SEC16A: variants seen among roughly 807,000 people sequenced by gnomAD.
SEC16A encodes SEC16 homolog A, endoplasmic reticulum export factor, also known as protein transport protein Sec16A.
In SEC16A, 110 loss-of-function variants were observed where a neutral mutation model predicts 221.9. The ratio of observed to expected loss-of-function variants is 0.50; its 90% CI spans 0.42 to 0.58. SEC16A has a LOEUF of 0.58. SEC16A is among the 20% of genes least tolerant of loss of function. The pLI is 0.00. For missense variants in SEC16A, 3,165 were observed against 3,097.8 expected, an observed-to-expected ratio of 1.02 and a Z score of -0.52; for synonymous variants, 1,393 against 1,257.7, an observed-to-expected ratio of 1.11 and a Z score of -2.28.
In SEC16A at chr9:136,440,290, G is replaced by A. The variant is rs1425304352; in HGVS notation, c.*1465C>T. 6.6e-6 allele frequency: 1 copy of A among 152,376 alleles called. No individual in the cohort carries two copies. The highest frequency in any genetic ancestry group is 2.4e-5 in the African/African-American group (1 of 41,462). The allele number at this position is 152,376 out of a possible 1,614,324, so 9.4% of individuals were successfully genotyped here. A position where few individuals can be genotyped will look rare whatever the true frequency, so the allele number is the denominator to read the frequency against. On this transcript the variant is annotated 3_prime_UTR_variant, in exon 32 of 32. Coordinates refer to ENST00000684901, the MANE Select transcript of SEC16A (RefSeq NM_014866.2). The stretch of plus-strand genomic sequence containing the variant: ...ACACGAGCTGACCGAGGGACAGAGA[G>A]GGCTGCCCCGTCACAGGGACTGGCC...
intron 8 of SEC16A, among the ~76,000 whole-genome samples, chr9:136,464,811 C>T (rs564881193): frequency 5.9e-4 from 90 of 152,376 alleles, no homozygotes; most frequent in African/African-American, 2.0e-3. Flanking sequence ...GCTCCCGCAA[C>T]ACCCTCATGA....
At chr9:136,461,967 G>C (rs1019854487) in intron 12 of SEC16A, among the ~76,000 whole-genome samples, 1 of 151,796 alleles carries the variant, frequency 6.6e-6, no homozygotes, top group Non-Finnish European at 1.5e-5. Flanking sequence ...AGTTAGCCAG[G>C]CGTGGTGGCA....
chr9:136,477,915 T>C (rs988534186), intron 2 of SEC16A, among the ~76,000 whole-genome samples: 4 of 152,110 alleles, frequency 2.6e-5, no homozygotes, highest in South Asian at 2.1e-4. Context: ...TGCGAGCTGA[T>C]GGAGTATGTC....
In SEC16A at chr9:136,464,520, T is replaced by C. The variant is rs1320386385; in HGVS notation, c.4346A>G (p.His1449Arg). ...PTSPEKFSVP[H>R]VCARFGPGGQ... is the part of the protein sequence containing the mutation. Reference sequence around the variant, plus strand: ...GCCAGGGCCAAACCTGGCACAGACATGAGGCACTGAAAATTTTTCAGGAGA... The same window carrying C: ...GCCAGGGCCAAACCTGGCACAGACACGAGGCACTGAAAATTTTTCAGGAGA... Residue 1449 changes from histidine to arginine, a missense_variant, in exon 9 of 32, where the codon CAT becomes CGT. Coordinates refer to ENST00000684901, the MANE Select transcript of SEC16A (RefSeq NM_014866.2). 6.2e-7 allele frequency: 1 copy of C among 1,607,002 alleles called. No homozygotes were observed. Among genetic ancestry groups the C allele is most frequent in the Non-Finnish European group, 8.5e-7 (1 of 1,174,074 alleles).
chr9:136,484,445 A>G (rs747260856), upstream of SEC16A: 5 of 1,202,894 alleles, frequency 4.2e-6, no homozygotes, highest in East Asian at 2.3e-4. Flanking sequence ...GGAAGCGGCC[A>G]GCCATGCCGG....
intron 2 of SEC16A, 142 bp from the exon 3 acceptor site, chr9:136,477,826 C>G: frequency 2.4e-6 from 2 of 819,362 alleles, no homozygotes; most frequent in Non-Finnish European, 3.6e-6. Context: ...CCCTACACCC[C>G]ACCCCAGCAG....
In SEC16A at chr9:136,440,519, A is replaced by C. The variant is rs963167960; in HGVS notation, c.*1236T>G. On this transcript the variant is annotated 3_prime_UTR_variant, in exon 32 of 32. Transcript: ENST00000684901. ...TCCTCCAGCAGAACCTACAGAAATT[A>C]TCTACTGATTTTTATTAGTATTTAA... 1.3e-5 allele frequency: 2 copies of C among 152,728 alleles called. No individual in the cohort carries two copies. The highest frequency in any genetic ancestry group is 4.8e-5 in the African/African-American group (2 of 41,474). 9.5% of individuals were successfully genotyped at this position (152,728 alleles called of 1,614,324 possible).
intron 9 of SEC16A, 142 bp from the exon 10 acceptor site, chr9:136,463,882 C>G: frequency 1.2e-6 from 1 of 805,894 alleles, no homozygotes; most frequent in Admixed American, 2.0e-5. Context: ...GGTGAAGGCT[C>G]TGTCGAGGCT....
intron 22 of SEC16A, 42 bp downstream of exon 22, chr9:136,453,386 C>T (rs1168666132): frequency 6.6e-7 from 1 of 1,503,798 alleles, no homozygotes. Flanking sequence ...ACTCGATGAA[C>T]TTTATGGAAA....
In SEC16A at chr9:136,475,106, T is replaced by C; in HGVS notation, c.2510A>G (p.Tyr837Cys). ...PVLIAQPDHS[Y>C]NLAQPINFSV... ...AAAGTTAATGGGCTGAGCCAGATTA[T>C]AGCTGTGATCAGGCTGAGCAATCAA... Residue 837 changes from tyrosine to cysteine, a missense_variant, in exon 3 of 32, where the codon TAT becomes TGT. By Grantham distance (194) the Tyr-to-Cys change is radical. Transcript: ENST00000684901. The surrounding 1 kb of genome is among the most constrained non-coding windows in gnomAD (Gnocchi z 5.0). 2 of 1,613,898 alleles carry C rather than the reference T, an allele frequency of 1.2e-6. No individual in the cohort carries two copies. Among genetic ancestry groups the C allele is most frequent in the Non-Finnish European group, 1.7e-6 (2 of 1,179,832 alleles).
intron 13 of SEC16A, among the ~76,000 whole-genome samples, chr9:136,460,445 ACT>A (rs1328735585): frequency 1.3e-5 from 2 of 151,994 alleles, no homozygotes; most frequent in Admixed American, 1.3e-4. Context: ...ACAGAGCAAG[ACT>A]CTGTCTCAAA....
chr9:136,479,346 G>A lies in SEC16A; in HGVS notation c.-191-516C>T, dbSNP rs376332926. 5.3e-5 allele frequency among the ~76,000 whole-genome samples: 8 copies of A among 152,254 alleles called. No individual in the cohort carries two copies. In the East Asian group the frequency reaches 9.6e-4, roughly 18 times the overall value. ...TTAAACCAAAGGGGAGGACTCTGTA[G>A]TTTAATCCACACATTTTTTTTTTTG... On this transcript the variant is annotated intron_variant, in intron 1 of 31. Coordinates refer to ENST00000684901, the MANE Select transcript of SEC16A (RefSeq NM_014866.2).
At chr9:136,454,414 C>A in intron 20 of SEC16A, 87 bp from the exon 21 acceptor site, 1 of 1,259,612 alleles carries the variant, frequency 7.9e-7, no homozygotes, top group Non-Finnish European at 1.1e-6. Flanking sequence ...GTGTTTATGA[C>A]AAGTTATTTT....
In SEC16A at chr9:136,445,106, C is replaced by T. The variant is rs188147629; in HGVS notation, c.6873G>A (p.Ser2291=). Reference sequence around the variant, plus strand: ...ATAATGAACTCATTGAACTACAGCGCGAAAGCTACAAAACAGCAAGAACAC... The same window carrying T: ...ATAATGAACTCATTGAACTACAGCGTGAAAGCTACAAAACAGCAAGAACAC... ...RPEGSQGGEL[S]RCSSMSSLSR... Residue 2291 remains serine, a synonymous_variant, in exon 30 of 32, where the codon TCG becomes TCA. Coordinates refer to ENST00000684901, the MANE Select transcript of SEC16A (RefSeq NM_014866.2). 97 of 1,604,906 alleles carry T rather than the reference C, an allele frequency of 6.0e-5. No individual in the cohort carries two copies. The African/African-American group carries it at 1.0e-3, about 17-fold the overall frequency.
chr9:136,478,798 C>T lies in SEC16A; in HGVS notation c.-159G>A, dbSNP rs78789494. Among the ~76,000 whole-genome samples the T allele has an allele frequency of 0.018, 2,662 of 151,898 alleles. 44 individuals are homozygous for T. The highest frequency in any genetic ancestry group is 0.052 in the Middle Eastern group (15 of 290). On this transcript the variant is annotated 5_prime_UTR_variant, in exon 2 of 32. Coordinates refer to ENST00000684901, the MANE Select transcript of SEC16A (RefSeq NM_014866.2). The stretch of plus-strand genomic sequence containing the variant: ...GCAGTGAGCTATGATTATACCACCG[C>T]GGTCCAGCCTGGGCAACAGAGCAAG...
intron 3 of SEC16A, among the ~76,000 whole-genome samples, chr9:136,473,666 A>G (rs543525688): frequency 6.6e-5 from 10 of 152,266 alleles, no homozygotes; most frequent in Non-Finnish European, 1.3e-4. Context: ...GTAAGCTTCC[A>G]GAGGCTAGCC....
intron 4 of SEC16A, among the ~76,000 whole-genome samples, chr9:136,471,308 A>C (rs912092445): frequency 6.6e-6 from 1 of 152,052 alleles, no homozygotes; most frequent in African/African-American, 2.4e-5. Context: ...TCTCTACAAA[A>C]AAAAAAATGA....
chr9:136,461,159 GC>G lies in SEC16A; in HGVS notation c.4991+17del. On this transcript the variant is annotated intron_variant, in intron 13 of 31. Coordinates refer to ENST00000684901, the MANE Select transcript of SEC16A (RefSeq NM_014866.2). ...CCAGCAGGGCTCGCCACTGGACCAG[GC>G]CACTGTGGGACTGTACCTGGTCATG... 1 of 1,584,702 alleles carries G rather than the reference GC, an allele frequency of 6.3e-7. No individual in the cohort carries two copies. Among genetic ancestry groups the G allele is most frequent in the South Asian group, 1.1e-5 (1 of 87,018 alleles).
intron 12 of SEC16A, 58 bp from the exon 13 acceptor site, chr9:136,461,332 G>C: frequency 8.0e-7 from 1 of 1,249,882 alleles, no homozygotes; most frequent in South Asian, 1.3e-5. Context: ...CGTGACATGA[G>C]TCAAGACAGG....
Sources: allele counts gnomAD v4.1 joint callset (sites outside exome capture counted in the v4.1 genomes callset), GRCh38; gene constraint gnomAD v4.1.1; non-coding constraint Gnocchi (gnomAD v3.1); transcripts MANE v1.5; gene names NCBI Gene and HGNC (gene_info 2026-07-23, HGNC 2026-07-21).